The following MYCBP2 variants were observed in gnomAD, a reference collection of about 807,000 sequenced individuals.
MYCBP2 encodes the protein E3 ubiquitin-protein ligase MYCBP2.
In MYCBP2, 120 loss-of-function variants were observed where a neutral mutation model predicts 525.3. The ratio of observed to expected loss-of-function variants is 0.23; its 90% CI spans 0.20 to 0.27. The LOEUF is 0.27. Ranked by LOEUF, MYCBP2 falls within the 10% of genes least tolerant of loss-of-function variation. The pLI is 1.00. For synonymous variants in MYCBP2, 1,894 were observed against 1,955.8 expected, an observed-to-expected ratio of 0.97 and a Z score of 0.83; for missense variants, 4,149 against 5,657.1, an observed-to-expected ratio of 0.73 and a Z score of 8.55.
At chr13:77,221,457 C>T (rs991550255) in intron 20 of MYCBP2, among the ~76,000 whole-genome samples, 1 of 152,164 alleles carries the variant, frequency 6.6e-6, no homozygotes, top group Non-Finnish European at 1.5e-5. Flanking sequence ...TGTGCTCATG[C>T]TGCTCATTCT....
intron 18 of MYCBP2, among the ~76,000 whole-genome samples, chr13:77,232,781 T>C (rs1376374818): frequency 2.6e-5 from 4 of 152,134 alleles, no homozygotes; most frequent in African/African-American, 7.2e-5. Context: ...CTAAAGCATA[T>C]AAACAGCATT....
At chr13:77,126,815 A>T (rs1341257894) in intron 52 of MYCBP2, among the ~76,000 whole-genome samples, 5 of 152,092 alleles carry the variant, frequency 3.3e-5, no homozygotes, top group African/African-American at 1.2e-4. Context: ...AAATATAATC[A>T]TCCTTGATTT....
chr13:77,264,438 C>T (rs781363348), intron 8 of MYCBP2, among the ~76,000 whole-genome samples: 4 of 151,996 alleles, frequency 2.6e-5, no homozygotes, highest in Non-Finnish European at 4.4e-5. Flanking sequence ...CTATTGTGTC[C>T]AACTACAGAT....
At chr13:77,135,825 G>GT (rs2053656587) in intron 52 of MYCBP2, among the ~76,000 whole-genome samples, 1 of 150,896 alleles carries the variant, frequency 6.6e-6, no homozygotes. Flanking sequence ...TAAACACATT[G>GT]TTTTTATCTT....
chr13:77,154,385 TG>T (rs1456470440), intron 46 of MYCBP2, among the ~76,000 whole-genome samples: 4 of 105,330 alleles, frequency 3.8e-5, no homozygotes, highest in Non-Finnish European at 6.0e-5. Flanking sequence ...GAGAAGGAGG[TG>T]AAAGGGAAAG....
At chr13:77,252,069 G>A (rs756151897) in intron 14 of MYCBP2, among the ~76,000 whole-genome samples, 1 of 152,154 alleles carries the variant, frequency 6.6e-6, no homozygotes, top group Non-Finnish European at 1.5e-5. Context: ...CAGGCAGTCA[G>A]TCACTACCTC....
At chr13:77,110,492 A>G (rs1233733023) in intron 55 of MYCBP2, among the ~76,000 whole-genome samples, 1 of 152,050 alleles carries the variant, frequency 6.6e-6, no homozygotes, top group Non-Finnish European at 1.5e-5. Context: ...AGTAATTTTA[A>G]TTTTGCCCTC....
intron 58 of MYCBP2, among the ~76,000 whole-genome samples, chr13:77,095,149 TG>T (rs1319535205): frequency 9.9e-5 from 15 of 152,240 alleles, no homozygotes; most frequent in African/African-American, 3.6e-4. Context: ...CAATGCAAAT[TG>T]ATGAAGCATT....
intron 48 of MYCBP2, 72 bp downstream of exon 48, chr13:77,146,090 A>G (rs1422175304): frequency 1.0e-6 from 1 of 953,578 alleles, no homozygotes; most frequent in Admixed American, 2.6e-5. Context: ...TAAAGTTGAA[A>G]TGCAGGATGA....
chr13:77,200,669 G>T (rs1281193865), intron 26 of MYCBP2, among the ~76,000 whole-genome samples: 2 of 152,172 alleles, frequency 1.3e-5, no homozygotes, highest in East Asian at 1.9e-4. Context: ...TCAAAGGGAA[G>T]CCCATCAGAC....
intron 1 of MYCBP2, among the ~76,000 whole-genome samples, chr13:77,323,814 C>G (rs34401764): frequency 6.6e-6 from 1 of 152,010 alleles, no homozygotes; most frequent in African/African-American, 2.4e-5. Context: ...TCAATAAACT[C>G]CCAGTCTTTA....
At chr13:77,190,441 T>A in intron 28 of MYCBP2, 106 bp from the exon 29 acceptor site, 1 of 685,410 alleles carries the variant, frequency 1.5e-6, no homozygotes, top group Non-Finnish European at 2.5e-6. Context: ...TGATTCACTC[T>A]TTTACATAAA....
At chr13:77,242,222 T>C (rs948400073) in intron 17 of MYCBP2, among the ~76,000 whole-genome samples, 1 of 152,200 alleles carries the variant, frequency 6.6e-6, no homozygotes, top group Admixed American at 6.5e-5. Flanking sequence ...CAAGTGATTC[T>C]CCTGCCTCAG....
intron 14 of MYCBP2, among the ~76,000 whole-genome samples, chr13:77,255,365 T>C (rs570872687): frequency 1.3e-5 from 2 of 152,074 alleles, no homozygotes; most frequent in South Asian, 4.1e-4. Context: ...GTAGGTATGA[T>C]TCTTATTAAA....
Position 77,111,303 on chromosome 13 carries a change from C to T in MYCBP2, c.8140+10070G>A, listed in dbSNP as rs138819877. 9.4e-3 allele frequency among the ~76,000 whole-genome samples: 1,428 copies of T among 152,146 alleles called. 22 individuals carry two copies. Among genetic ancestry groups the T allele is most frequent in the African/African-American group, 0.032 (1,326 of 41,510 alleles). ...GCCAACTGGAGCTAAGTCATCCAAC[C>T]GAACTCATTTTTCCTTAAAAGGTGG... On this transcript the variant is annotated intron_variant, in intron 55 of 82. Coordinates refer to ENST00000544440, the MANE Select transcript of MYCBP2 (RefSeq NM_015057.5).
Position 77,061,254 on chromosome 13 carries a change from A to C in MYCBP2, c.12951T>G (p.Gly4317=), listed in dbSNP as rs760115540. The C allele has an allele frequency of 6.2e-7, 1 of 1,612,036 alleles. No individual in the cohort carries two copies. Among genetic ancestry groups the C allele is most frequent in the Non-Finnish European group, 8.5e-7 (1 of 1,179,078 alleles). ...EEAIKVDLHE[G]CGRTKLFWLM... ...ACCAGAACAATTTGGTTCTACCACA[A>C]CCTTCATGAAGGTCAACCTTTATAG... The change falls in exon 76 of 83, where the codon GGT becomes GGG. Residue 4317 remains glycine (G), a synonymous_variant. Transcript: ENST00000544440.
chr13:77,248,155 AG>A (rs1317072377), intron 15 of MYCBP2, among the ~76,000 whole-genome samples: 7 of 127,980 alleles, frequency 5.5e-5, no homozygotes, highest in Non-Finnish European at 1.2e-4. Flanking sequence ...AAAAAAAAAA[AG>A]AAGAAGAAAA....
At chr13:77,118,586 A>G in intron 55 of MYCBP2, 1 of 679,910 alleles carries the variant, frequency 1.5e-6, no homozygotes, top group Non-Finnish European at 2.7e-6. Flanking sequence ...ATTCAGATAG[A>G]GTTGAACACT....
chr13:77,307,513 C>T (rs1240594273), intron 1 of MYCBP2, among the ~76,000 whole-genome samples: 1 of 149,586 alleles, frequency 6.7e-6, no homozygotes. Context: ...GTAGTCCCAG[C>T]TACTCAGATG....
Sources: allele counts gnomAD v4.1 joint callset (sites outside exome capture counted in the v4.1 genomes callset), GRCh38; gene constraint gnomAD v4.1.1; transcripts MANE v1.5; gene names NCBI Gene and HGNC (gene_info 2026-07-23, HGNC 2026-07-21).